KLRG1: variants seen among roughly 807,000 people sequenced by gnomAD.
The protein encoded by KLRG1 is killer cell lectin-like receptor subfamily G member 1.
In KLRG1, 16 loss-of-function variants were observed where a neutral mutation model predicts 21.8. The ratio of observed to expected loss-of-function variants is 0.73; its 90% CI spans 0.50 to 1.11. The LOEUF is 1.11. Ranked by LOEUF, KLRG1 falls within the 50% of genes most tolerant of loss-of-function variation. The pLI is 0.00. For synonymous variants in KLRG1, 69 were observed against 75.9 expected (o/e 0.91, Z 0.47); for missense variants, 173 against 218.3 (o/e 0.79, Z 1.31).
chr12:8,990,013 CT>C (rs754885306), intron 1 of KLRG1, among the ~76,000 whole-genome samples: 63 of 152,204 alleles, frequency 4.1e-4, no homozygotes, highest in Non-Finnish European at 6.5e-4. Flanking sequence ...AAAGCGGGAA[CT>C]TTGTTGGGAG....
At chr12:9,072,445 G>A in the KLRG1 span, 4 of 1,613,242 alleles carry the variant, frequency 2.5e-6, no homozygotes, top group South Asian at 3.3e-5. Context: ...AAGCAAAGGG[G>A]AACTCTTCCT....
the KLRG1 span, among the ~76,000 whole-genome samples, chr12:9,084,292 A>G: frequency 1.3e-5 from 2 of 152,156 alleles, no homozygotes; most frequent in Non-Finnish European, 2.9e-5. Context: ...TATTCAAAAT[A>G]CTCTATGACT....
chr12:8,996,862 G>A (rs1947147485), intron 3 of KLRG1, among the ~76,000 whole-genome samples: 1 of 152,162 alleles, frequency 6.6e-6, no homozygotes, highest in Non-Finnish European at 1.5e-5. Context: ...ACTAAAGTCA[G>A]TAGCAGAAGT....
the KLRG1 span, chr12:9,093,481 C>T: frequency 1.4e-5 from 23 of 1,613,648 alleles, 1 homozygote; most frequent in South Asian, 2.4e-4. Flanking sequence ...ACCACCAAAT[C>T]CCAGATCCAT....
chr12:9,089,673 G>A, the KLRG1 span, among the ~76,000 whole-genome samples: 5 of 152,038 alleles, frequency 3.3e-5, no homozygotes, highest in South Asian at 2.1e-4. Context: ...CCCAGGAGGC[G>A]GAGGTTGCAG....
the KLRG1 span, chr12:9,077,899 A>G: frequency 6.2e-7 from 1 of 1,613,388 alleles, no homozygotes; most frequent in African/African-American, 1.3e-5. Context: ...TGTTGTCAAA[A>G]TGGTTTTATA....
At chr12:9,209,289 C>T in the KLRG1 span, among the ~76,000 whole-genome samples, 1 of 152,090 alleles carries the variant, frequency 6.6e-6, no homozygotes, top group African/African-American at 2.4e-5. Flanking sequence ...ATATTTCAGC[C>T]TAATCATCCC....
chr12:9,150,967 T>C, the KLRG1 span, among the ~76,000 whole-genome samples: 3 of 152,212 alleles, frequency 2.0e-5, no homozygotes, highest in Admixed American at 1.3e-4. Flanking sequence ...GCCAACCCTA[T>C]TCTTTTGTAG....
At chr12:9,117,058 A>G in the KLRG1 span, among the ~76,000 whole-genome samples, 30 of 152,186 alleles carry the variant, frequency 2.0e-4, no homozygotes, top group Non-Finnish European at 3.2e-4. Context: ...GCTCTGAAGT[A>G]TGAGTAGTGG....
the KLRG1 span, among the ~76,000 whole-genome samples, chr12:9,201,974 A>G: frequency 6.6e-6 from 1 of 152,302 alleles, no homozygotes; most frequent in African/African-American, 2.4e-5. Context: ...ATATATTCAT[A>G]AAAGCATAAT....
chr12:8,994,570 G>A (rs2137351209), intron 2 of KLRG1, among the ~76,000 whole-genome samples: 1 of 152,320 alleles, frequency 6.6e-6, no homozygotes, highest in Non-Finnish European at 1.5e-5. Flanking sequence ...TTTCAATGGT[G>A]AGGGACAGTT....
chr12:8,954,120 A>G (rs1252003486), intron 1 of KLRG1, among the ~76,000 whole-genome samples: 1 of 152,154 alleles, frequency 6.6e-6, no homozygotes, highest in African/African-American at 2.4e-5. Context: ...TTCCGATTTT[A>G]TCTTGTAGCA....
chr12:9,066,685 T>A, the KLRG1 span: 1 of 152,248 alleles, frequency 6.6e-6, no homozygotes, highest in East Asian at 1.9e-4. Context: ...ATATGTTAAT[T>A]CTATTCTATA....
At chr12:9,149,696 C>A in the KLRG1 span, 1 of 1,173,890 alleles carries the variant, frequency 8.5e-7, no homozygotes, top group Non-Finnish European at 1.2e-6. Context: ...TGGAGAAAAG[C>A]ACGCCCTATC....
the KLRG1 span, among the ~76,000 whole-genome samples, chr12:9,097,632 C>CTTTTTTTTTT: frequency 7.9e-6 from 1 of 127,118 alleles, no homozygotes; most frequent in Non-Finnish European, 1.7e-5. Flanking sequence ...TGATGTAATT[C>CTTTTTTTTTT]TTTTTTTTTT....
chr12:9,078,111 G>A, the KLRG1 span, among the ~76,000 whole-genome samples: 3 of 152,118 alleles, frequency 2.0e-5, no homozygotes, highest in Non-Finnish European at 4.4e-5. Flanking sequence ...TGTGCAGAAC[G>A]TGCAGGTTTG....
chr12:9,063,782 G>A, the KLRG1 span, among the ~76,000 whole-genome samples: 1 of 152,144 alleles, frequency 6.6e-6, no homozygotes, highest in African/African-American at 2.4e-5. Flanking sequence ...GTTTTTCTAA[G>A]GGAGGAATCC....
chr12:9,004,339 A>G (rs956547781), intron 3 of KLRG1, among the ~76,000 whole-genome samples: 1 of 152,084 alleles, frequency 6.6e-6, no homozygotes, highest in Non-Finnish European at 1.5e-5. Context: ...AAGTGTTCCT[A>G]TTTCTCCACA....
At chr12:9,126,161 A>G in the KLRG1 span, among the ~76,000 whole-genome samples, 1 of 152,240 alleles carries the variant, frequency 6.6e-6, no homozygotes, top group Admixed American at 6.5e-5. Flanking sequence ...GAGCAAAAGT[A>G]TGTAGAAATA....
Sources: gnomAD v4.1 joint callset for allele counts (sites outside exome capture counted in the v4.1 genomes callset) on GRCh38, gnomAD v4.1.1 for gene constraint, MANE v1.5 for transcripts, NCBI Gene and HGNC (gene_info 2026-07-23, HGNC 2026-07-21) for gene names.